The following TOX2 variants were observed in gnomAD, a reference collection of about 807,000 sequenced individuals.
TOX2 encodes TOX high mobility group box family member 2, also known as granulosa cell HMG box 1.
Under a neutral mutation model 47.4 loss-of-function variants are expected in TOX2, and 15 were observed. The ratio of observed to expected loss-of-function variants is 0.32; its 90% CI spans 0.21 to 0.49. The LOEUF (loss-of-function observed/expected upper bound fraction) is 0.49, where lower values mean the gene tolerates loss of function less well. TOX2 is among the 20% of genes least tolerant of loss of function. The pLI is 0.99. For missense variants in TOX2, 622 were observed against 673.1 expected (o/e 0.92, Z 0.84); for synonymous variants, 290 against 296.6 (o/e 0.98, Z 0.23).
Position 43,982,456 on chromosome 20 carries a change from C to T in TOX2, c.165+9024C>T, listed in dbSNP as rs528781681. On this transcript the variant is annotated intron_variant, in intron 2 of 8. Coordinates refer to ENST00000341197, the MANE Select transcript of TOX2 (RefSeq NM_001098797.2). ...ATCTAAGCTGCTTTTAGAGAGAAGA[C>T]GGGTCCCAGGGCCTGGGGTCCAGTG... Among the ~76,000 whole-genome samples, 8 of 152,244 alleles carry T rather than the reference C, an allele frequency of 5.3e-5. No individual in the cohort carries two copies. The East Asian group carries it at 7.7e-4, about 15-fold the overall frequency.
In TOX2 at chr20:43,925,107, C is replaced by T. The variant is rs6031240; in HGVS notation, c.99+10117C>T. Among the ~76,000 whole-genome samples the T allele has an allele frequency of 1.0e-3, 155 of 152,096 alleles. 4 individuals carry two copies. Among genetic ancestry groups the T allele is most frequent in the African/African-American group, 3.4e-3 (143 of 41,500 alleles). ...TTGAATCTCTTTGAAGATGGTAATT[C>T]GATTTTTAAAAAAGTGGTCTTTTGT... On this transcript the variant is annotated intron_variant, in intron 1 of 8. Transcript: ENST00000341197.
Position 44,068,855 on chromosome 20 carries a change from T to C in TOX2, c.*169T>C. 2.2e-6 allele frequency: 2 copies of C among 926,066 alleles called. No homozygotes were observed. The highest frequency in any genetic ancestry group is 3.5e-6 in the Non-Finnish European group (2 of 577,956). 57.4% of individuals were successfully genotyped at this position (926,066 alleles called of 1,614,324 possible). A position where few individuals can be genotyped will look rare whatever the true frequency, so the allele number is the denominator to read the frequency against. On this transcript the variant is annotated 3_prime_UTR_variant, in exon 9 of 9. Transcript: ENST00000341197. ...TCTTCCTCAACCTCCCACCAGACTC[T>C]GCAGAGGCAGCCCACTGCCCACCAC...
chr20:43,958,734 T>C (rs941054981), intron 1 of TOX2, among the ~76,000 whole-genome samples: 2 of 152,202 alleles, frequency 1.3e-5, no homozygotes, highest in African/African-American at 4.8e-5. Flanking sequence ...TCTGGCTTCT[T>C]CTGGAGGTGC....
At chr20:44,020,353 G>A (rs1014915933) in intron 3 of TOX2, among the ~76,000 whole-genome samples, 1 of 152,148 alleles carries the variant, frequency 6.6e-6, no homozygotes, top group Non-Finnish European at 1.5e-5. Flanking sequence ...AATGCATGCG[G>A]GGCTCAAAAC....
At chr20:43,954,154 G>A (rs2069627703) in intron 1 of TOX2, among the ~76,000 whole-genome samples, 1 of 152,128 alleles carries the variant, frequency 6.6e-6, no homozygotes. Context: ...TCGCCCCTCT[G>A]CCTACTGTGT....
Position 44,065,780 on chromosome 20 carries a change from G to A in TOX2, c.1029G>A (p.Lys343=). 6.2e-7 allele frequency: 1 copy of A among 1,611,600 alleles called. No individual in the cohort carries two copies. The highest frequency in any genetic ancestry group is 8.5e-7 in the Non-Finnish European group (1 of 1,178,024). The part of the protein sequence containing the change: ...ANPPAKMLPP[K]QPMYAMPGLA... ...CACCAGCCAAAATGCTCCCACCCAA[G>A]CAGCCCATGTATGCCATGCCAGGCC... The change falls in exon 7 of 9, where the codon AAG becomes AAA. Residue 343 remains lysine, a synonymous_variant. Coordinates refer to ENST00000341197, the MANE Select transcript of TOX2 (RefSeq NM_001098797.2).
At chr20:43,934,167 G>GAGAGA (rs1325521677) in intron 1 of TOX2, among the ~76,000 whole-genome samples, 6 of 149,760 alleles carry the variant, frequency 4.0e-5, no homozygotes, top group African/African-American at 1.5e-4. Context: ...GAGAGAGAGA[G>GAGAGA]ACCTGCCCTC....
intron 1 of TOX2, among the ~76,000 whole-genome samples, chr20:43,950,902 T>C (rs1038772435): frequency 2.6e-5 from 4 of 152,030 alleles, no homozygotes; most frequent in African/African-American, 7.2e-5. Flanking sequence ...GCACAGCAAA[T>C]ACTTTTTTGG....
chr20:43,916,779 G>A lies in TOX2; in HGVS notation c.99+1789G>A, dbSNP rs1568993830. Among the ~76,000 whole-genome samples the A allele has an allele frequency of 6.6e-6, 1 of 152,190 alleles. No homozygotes were observed. The highest frequency in any genetic ancestry group is 1.5e-5 in the Non-Finnish European group (1 of 68,042). On this transcript the variant is annotated intron_variant, in intron 1 of 8. Coordinates refer to ENST00000341197, the MANE Select transcript of TOX2 (RefSeq NM_001098797.2). This position sits in a 1 kb window ranked among gnomAD's most constrained non-coding sequence, Gnocchi z 5.0. ...CATTTGTGCCTCAAAGTCTGAGTGG[G>A]TGGGGGTTTAGCCTGGAGCGCTCCG...
At chr20:43,956,220 T>A (rs1179275869) in intron 1 of TOX2, among the ~76,000 whole-genome samples, 1 of 152,178 alleles carries the variant, frequency 6.6e-6, no homozygotes, top group African/African-American at 2.4e-5. Context: ...ATATTCTGAT[T>A]CCTGGTCCTG....
Position 44,065,947 on chromosome 20 carries a change from G to A in TOX2, c.1196G>A (p.Ser399Asn). 6.2e-7 allele frequency: 1 copy of A among 1,613,146 alleles called. No homozygotes were observed. Among genetic ancestry groups the A allele is most frequent in the South Asian group, 1.1e-5 (1 of 91,000 alleles). ...CCGCCGCCACCCTCCTTCCCGCTCA[G>A]CCCCACACTGCACCAGCAGCTGTCA... ...SPPPPPSFPLSPTLHQQLSLP... is the reference protein window; with the variant it reads ...SPPPPPSFPLNPTLHQQLSLP... Residue 399 changes from serine (S) to asparagine (N), a missense_variant, in exon 7 of 9, where the codon AGC becomes AAC. By Grantham distance (46) the Ser-to-Asn change is conservative (BLOSUM62 1). Transcript: ENST00000341197.
chr20:43,981,935 C>CTTT (rs71337843), intron 2 of TOX2, among the ~76,000 whole-genome samples: 22 of 137,754 alleles, frequency 1.6e-4, no homozygotes, highest in Non-Finnish European at 2.7e-4. Context: ...AAGGGATTTT[C>CTTT]TTTTTTTTTT....
At chr20:43,936,444 A>G (rs1294039558) in intron 1 of TOX2, among the ~76,000 whole-genome samples, 2 of 152,246 alleles carry the variant, frequency 1.3e-5, no homozygotes, top group Non-Finnish European at 2.9e-5. Context: ...TCATGATTCC[A>G]TGGGTTGGCT....
chr20:43,989,545 C>T (rs1487111712), intron 2 of TOX2, among the ~76,000 whole-genome samples: 1 of 152,022 alleles, frequency 6.6e-6, no homozygotes, highest in African/African-American at 2.4e-5. Context: ...TTTGGGAGGC[C>T]CAGACAGGTG....
At chr20:44,041,093 C>T (rs1250065816) in intron 3 of TOX2, among the ~76,000 whole-genome samples, 4 of 152,150 alleles carry the variant, frequency 2.6e-5, no homozygotes, top group Admixed American at 1.3e-4. Context: ...GATGTAGCCT[C>T]GGCTGGAGAC....
chr20:43,969,538 G>T (rs529259639), intron 1 of TOX2, among the ~76,000 whole-genome samples: 1 of 152,312 alleles, frequency 6.6e-6, no homozygotes, highest in East Asian at 1.9e-4. Context: ...TTAGAGTACT[G>T]GAAGCCAAGC....
At chr20:43,949,613 A>G (rs968704500) in intron 1 of TOX2, among the ~76,000 whole-genome samples, 5 of 152,100 alleles carry the variant, frequency 3.3e-5, no homozygotes, top group African/African-American at 1.2e-4. Context: ...CCCACTGACC[A>G]AGCTATTGTG....
In TOX2 at chr20:44,048,388, T is replaced by TATATATATATATATATATATATATA. The variant is rs1555845974; in HGVS notation, c.412-2918_412-2917insATATATATATATATATATATATATA. On this transcript the variant is annotated intron_variant, in intron 3 of 8. Coordinates refer to ENST00000341197, the MANE Select transcript of TOX2 (RefSeq NM_001098797.2). ...ATGTTAGTATCTGGATAAAATGAAT[T>TATATATATATATATATATATATATA]TATATATATATATATATATATATAT... Among the ~76,000 whole-genome samples, 11 of 86,842 alleles carry TATATATATATATATATATATATATA rather than the reference T, an allele frequency of 1.3e-4. 1 individual carries two copies. Among genetic ancestry groups the TATATATATATATATATATATATATA allele is most frequent in the African/African-American group, 4.1e-4 (9 of 22,112 alleles). 57.0% of individuals were successfully genotyped at this position (86,842 alleles called of 152,430 possible). A position where few individuals can be genotyped will look rare whatever the true frequency, so the allele number is the denominator to read the frequency against.
chr20:44,022,646 G>A (rs866225811), intron 3 of TOX2, among the ~76,000 whole-genome samples: 111 of 152,314 alleles, frequency 7.3e-4, no homozygotes, highest in African/African-American at 2.3e-3. Context: ...CTGTGAGCCT[G>A]TGAGTGTATC....
Sources: gnomAD v4.1 joint callset for allele counts (sites outside exome capture counted in the v4.1 genomes callset) on GRCh38, gnomAD v4.1.1 for gene constraint, Gnocchi (gnomAD v3.1) non-coding constraint, MANE v1.5 for transcripts, NCBI Gene and HGNC (gene_info 2026-07-23, HGNC 2026-07-21) for gene names.